Variants in TMEM178B observed in about 807,000 individuals in gnomAD.
The protein encoded by TMEM178B is transmembrane protein 178B.
A neutral mutation model predicts 31.0 loss-of-function variants in TMEM178B; 5 were observed. The observed-to-expected ratio is 0.16, with a 90% confidence interval of 0.08 to 0.34. The LOEUF is 0.34. Among genes scored for constraint, TMEM178B ranks in the 10% least tolerant of loss-of-function variants. TMEM178B has a pLI of 1.00. For missense variants in TMEM178B, 275 were observed against 400.3 expected, an observed-to-expected ratio of 0.69 and a Z score of 2.67; for synonymous variants, 164 against 164.0, an observed-to-expected ratio of 1.00 and a Z score of 0.00.
chr7:141,230,563 G>A (rs1797425311), intron 2 of TMEM178B, among the ~76,000 whole-genome samples: 1 of 152,022 alleles, frequency 6.6e-6, no homozygotes, highest in Admixed American at 6.6e-5. Flanking sequence ...GTGCCACTTG[G>A]CCAAAGACTC....
chr7:141,288,311 C>A (rs1357981108), intron 2 of TMEM178B, among the ~76,000 whole-genome samples: 2 of 152,104 alleles, frequency 1.3e-5, no homozygotes, highest in East Asian at 3.9e-4. Flanking sequence ...TGGGATTCTA[C>A]CTATTTTTCT....
chr7:141,289,590 C>G (rs1213743649), intron 2 of TMEM178B, among the ~76,000 whole-genome samples: 1 of 151,960 alleles, frequency 6.6e-6, no homozygotes, highest in South Asian at 2.1e-4. Flanking sequence ...TGGCATGTGC[C>G]TGTAATCCCA....
chr7:141,294,581 A>G (rs1320447341), intron 2 of TMEM178B, among the ~76,000 whole-genome samples: 1 of 152,176 alleles, frequency 6.6e-6, no homozygotes, highest in Non-Finnish European at 1.5e-5. Context: ...CTCCCAATTA[A>G]AGACTTTATA....
intron 2 of TMEM178B, among the ~76,000 whole-genome samples, chr7:141,222,670 TTGACTC>T (rs1315827356): frequency 1.3e-5 from 2 of 152,124 alleles, no homozygotes; most frequent in East Asian, 1.9e-4. Context: ...GCTTTTCTGT[TTGACTC>T]TGTGCAACCT....
chr7:141,198,026 C>T (rs970517105), intron 1 of TMEM178B, among the ~76,000 whole-genome samples: 1 of 148,804 alleles, frequency 6.7e-6, no homozygotes, highest in Non-Finnish European at 1.5e-5. Context: ...AACTCAGTTC[C>T]CCCCAGTTCT....
intron 2 of TMEM178B, among the ~76,000 whole-genome samples, chr7:141,426,829 A>T (rs576586832): frequency 7.9e-5 from 12 of 152,300 alleles, no homozygotes; most frequent in African/African-American, 2.9e-4. Flanking sequence ...ATTTATTATA[A>T]CTAATAAACT....
intron 2 of TMEM178B, among the ~76,000 whole-genome samples, chr7:141,277,633 T>C (rs1344894857): frequency 6.6e-6 from 1 of 152,176 alleles, no homozygotes; most frequent in Non-Finnish European, 1.5e-5. Flanking sequence ...CAGGAATTTT[T>C]CAGCTCTATT....
At chr7:141,375,982 G>A (rs992926425) in intron 2 of TMEM178B, among the ~76,000 whole-genome samples, 3 of 152,230 alleles carry the variant, frequency 2.0e-5, no homozygotes, top group South Asian at 2.1e-4. Flanking sequence ...AAGGCAAGAT[G>A]ACCCTAAGTT....
chr7:141,217,896 G>C (rs1797185765), intron 2 of TMEM178B, among the ~76,000 whole-genome samples: 1 of 152,112 alleles, frequency 6.6e-6, no homozygotes, highest in Non-Finnish European at 1.5e-5. Flanking sequence ...GCAATCAGAT[G>C]CTCTCTGCTA....
intron 2 of TMEM178B, among the ~76,000 whole-genome samples, chr7:141,292,180 T>A (rs1354412816): frequency 6.6e-6 from 1 of 152,212 alleles, no homozygotes; most frequent in Non-Finnish European, 1.5e-5. Flanking sequence ...TACTTAAATG[T>A]TCTGTGAAGC....
At chr7:141,502,785 TAAA>T in the TMEM178B span, among the ~76,000 whole-genome samples, 1 of 139,268 alleles carries the variant, frequency 7.2e-6, no homozygotes, top group Non-Finnish European at 1.5e-5. Context: ...AAAAAAAAGA[TAAA>T]AAGATAAAAA....
At chr7:141,397,717 T>C (rs2116614415) in intron 2 of TMEM178B, among the ~76,000 whole-genome samples, 1 of 152,356 alleles carries the variant, frequency 6.6e-6, no homozygotes, top group South Asian at 2.1e-4. Flanking sequence ...AGTCTGATTA[T>C]TTCTCTCTAT....
intron 3 of TMEM178B, among the ~76,000 whole-genome samples, chr7:141,451,562 G>A (rs964555524): frequency 6.6e-6 from 1 of 152,112 alleles, no homozygotes; most frequent in Non-Finnish European, 1.5e-5. Context: ...TACTGACACG[G>A]CTGTGATCCT....
At chr7:141,408,845 A>T (rs1481519750) in intron 2 of TMEM178B, among the ~76,000 whole-genome samples, 1 of 152,144 alleles carries the variant, frequency 6.6e-6, no homozygotes, top group African/African-American at 2.4e-5. Flanking sequence ...AGGGGAGGTG[A>T]GTTTATTCCT....
intron 2 of TMEM178B, among the ~76,000 whole-genome samples, chr7:141,293,924 G>C (rs896297897): frequency 2.0e-5 from 3 of 152,158 alleles, no homozygotes; most frequent in African/African-American, 7.2e-5. Context: ...AAGTTGTTAT[G>C]TTGTTATTTC....
At chr7:141,101,945 A>C (rs936600034) in intron 1 of TMEM178B, among the ~76,000 whole-genome samples, 1 of 141,450 alleles carries the variant, frequency 7.1e-6, no homozygotes, top group Non-Finnish European at 1.6e-5. Flanking sequence ...GTGTGTGTAC[A>C]TACATGCTCA....
intron 2 of TMEM178B, among the ~76,000 whole-genome samples, chr7:141,323,524 A>G (rs1205741418): frequency 2.0e-5 from 3 of 152,194 alleles, no homozygotes; most frequent in Admixed American, 6.5e-5. Context: ...TTATGGCTGT[A>G]TTATTATCTA....
At chr7:141,164,192 A>C (rs1015013699) in intron 1 of TMEM178B, among the ~76,000 whole-genome samples, 4 of 152,218 alleles carry the variant, frequency 2.6e-5, no homozygotes, top group Non-Finnish European at 4.4e-5. Context: ...TTAATATGTG[A>C]GTCTTTGGTT....
intron 2 of TMEM178B, among the ~76,000 whole-genome samples, chr7:141,420,863 G>C (rs7781551): frequency 0.46 from 69,761 of 152,066 alleles, 16,368 homozygotes; most frequent in Admixed American, 0.58. Context: ...AGACAGGCTG[G>C]CATACTGCAT....
Sources: gnomAD v4.1 joint callset for allele counts (sites outside exome capture counted in the v4.1 genomes callset) on GRCh38, gnomAD v4.1.1 for gene constraint, MANE v1.5 for transcripts, NCBI Gene and HGNC (gene_info 2026-07-23, HGNC 2026-07-21) for gene names.